The following ARMC9 variants were observed in gnomAD, a reference collection of about 807,000 sequenced individuals.
The protein encoded by ARMC9 is armadillo repeat containing 9.
A neutral mutation model predicts 107.0 loss-of-function variants in ARMC9; 94 were observed. The ratio of observed to expected loss-of-function variants is 0.88; its 90% confidence interval spans 0.74 to 1.04. The LOEUF (loss-of-function observed/expected upper bound fraction) is 1.04, where lower values mean the gene tolerates loss of function less well. ARMC9 is among the 50% of genes least tolerant of loss of function. The pLI is 0.00. For synonymous variants in ARMC9, 380 were observed against 396.9 expected, an observed-to-expected ratio of 0.96 and a Z score of 0.51; for missense variants, 942 against 1,030.1, an observed-to-expected ratio of 0.91 and a Z score of 1.17.
At chr2:231,303,493 T>C (rs919396805) in intron 19 of ARMC9, among the ~76,000 whole-genome samples, 2 of 152,256 alleles carry the variant, frequency 1.3e-5, no homozygotes, top group African/African-American at 4.8e-5. Flanking sequence ...GCTGGGATTT[T>C]TTCATAGATC....
chr2:231,216,336 G>A (rs1321865157), intron 4 of ARMC9, among the ~76,000 whole-genome samples: 1 of 152,170 alleles, frequency 6.6e-6, no homozygotes, highest in Non-Finnish European at 1.5e-5. Context: ...ACAACATGAG[G>A]TTTTGTCCTG....
intron 23 of ARMC9, among the ~76,000 whole-genome samples, chr2:231,368,735 C>T (rs2045907164): frequency 6.6e-6 from 1 of 152,160 alleles, no homozygotes; most frequent in Non-Finnish European, 1.5e-5. Flanking sequence ...AGTGATCTTC[C>T]TGCCTAGCCT....
intron 15 of ARMC9, among the ~76,000 whole-genome samples, chr2:231,277,832 G>A (rs2125445690): frequency 6.6e-6 from 1 of 152,070 alleles, no homozygotes; most frequent in East Asian, 1.9e-4. Context: ...CAAAGTGCTG[G>A]GATTACAGGC....
chr2:231,343,928 A>G (rs2125582137), intron 20 of ARMC9, among the ~76,000 whole-genome samples: 2 of 152,188 alleles, frequency 1.3e-5, no homozygotes, highest in South Asian at 4.1e-4. Flanking sequence ...TTCTTTATGT[A>G]CATTATTATA....
intron 19 of ARMC9, among the ~76,000 whole-genome samples, chr2:231,302,175 A>G (rs551799695): frequency 6.6e-6 from 1 of 152,064 alleles, no homozygotes; most frequent in Non-Finnish European, 1.5e-5. Flanking sequence ...TAAGGTTTGA[A>G]GTAACCATTC....
At chr2:231,293,115 A>G (rs2041133176) in intron 18 of ARMC9, among the ~76,000 whole-genome samples, 1 of 152,148 alleles carries the variant, frequency 6.6e-6, no homozygotes, top group African/African-American at 2.4e-5. Flanking sequence ...CTGGGTGCCC[A>G]TTTGCCTTGA....
intron 7 of ARMC9, among the ~76,000 whole-genome samples, chr2:231,227,789 G>C (rs1300552693): frequency 2.6e-5 from 4 of 152,308 alleles, no homozygotes; most frequent in Admixed American, 2.6e-4. Context: ...AGAAGGCTTC[G>C]GATGCTTGGT....
rs975742482 is a variant in ARMC9 at position 231,275,316 on chromosome 2, C to T, written c.1335-1320C>T. ...GTGGTTTCACCATAACCTGCGCATC[C>T]GGAGATGTGCAGAGCTGGCTTCTCT... On this transcript the variant is annotated intron_variant, in intron 14 of 24. Transcript: ENST00000611582. 2.6e-5 allele frequency among the ~76,000 whole-genome samples: 4 copies of T among 152,054 alleles called. No individual in the cohort carries two copies. The South Asian group carries it at 6.2e-4, about 24-fold the overall frequency.
At chr2:231,269,486 A>G (rs2039129095) in intron 12 of ARMC9, among the ~76,000 whole-genome samples, 1 of 148,024 alleles carries the variant, frequency 6.8e-6, no homozygotes, top group African/African-American at 2.6e-5. Context: ...CCTGGGTTCA[A>G]GCAATCCTCC....
chr2:231,225,159 C>T (rs1418245725), intron 6 of ARMC9, among the ~76,000 whole-genome samples: 1 of 152,148 alleles, frequency 6.6e-6, no homozygotes, highest in African/African-American at 2.4e-5. Flanking sequence ...CAGACATACA[C>T]CCAAATTGTA....
At chr2:231,312,661 G>A (rs2042423537) in intron 19 of ARMC9, among the ~76,000 whole-genome samples, 1 of 147,946 alleles carries the variant, frequency 6.8e-6, no homozygotes, top group African/African-American at 2.5e-5. Flanking sequence ...GAGTTTTGGT[G>A]ATCAAAACTG....
intron 14 of ARMC9, 142 bp downstream of exon 14, chr2:231,273,220 T>G (rs1383943528): frequency 8.6e-7 from 1 of 1,169,558 alleles, no homozygotes; most frequent in Non-Finnish European, 1.2e-6. Flanking sequence ...GCTAGAAAGC[T>G]TATCTGTAAT....
intron 6 of ARMC9, among the ~76,000 whole-genome samples, chr2:231,225,720 G>A (rs1461167453): frequency 6.6e-6 from 1 of 152,232 alleles, no homozygotes; most frequent in Admixed American, 6.5e-5. Flanking sequence ...GCTGGGGAGA[G>A]CAGGGAAAAT....
intron 15 of ARMC9, among the ~76,000 whole-genome samples, chr2:231,277,008 G>A (rs2039819802): frequency 6.6e-6 from 1 of 152,188 alleles, no homozygotes; most frequent in Non-Finnish European, 1.5e-5. Context: ...GCATTAAGAG[G>A]AGACTAAGTT....
At chr2:231,314,002 T>TA (rs2042512205) in intron 19 of ARMC9, among the ~76,000 whole-genome samples, 1 of 151,184 alleles carries the variant, frequency 6.6e-6, no homozygotes, top group Admixed American at 6.6e-5. Context: ...TCAAGTGATC[T>TA]TCCCACCTTG....
intron 19 of ARMC9, among the ~76,000 whole-genome samples, chr2:231,322,274 G>A (rs772394051): frequency 6.6e-6 from 1 of 152,228 alleles, no homozygotes; most frequent in African/African-American, 2.4e-5. Flanking sequence ...GGAAGTCAGC[G>A]CCTCACGCTG....
chr2:231,366,066 G>A (rs936013068), intron 23 of ARMC9, among the ~76,000 whole-genome samples: 17 of 152,214 alleles, frequency 1.1e-4, no homozygotes, highest in Non-Finnish European at 2.4e-4. Flanking sequence ...CAGAGAGGCT[G>A]ATTTTAGGGA....
chr2:231,272,087 A>C (rs1275073894), intron 13 of ARMC9, among the ~76,000 whole-genome samples: 1 of 151,960 alleles, frequency 6.6e-6, no homozygotes, highest in Non-Finnish European at 1.5e-5. Flanking sequence ...TAGTCACCAG[A>C]TATTTCATTG....
rs185585051 is a variant in ARMC9 at position 231,304,957 on chromosome 2, A to C, written c.1773+8704A>C. 3.4e-4 allele frequency among the ~76,000 whole-genome samples: 52 copies of C among 152,332 alleles called. No individual in the cohort carries two copies. In the East Asian group the frequency reaches 7.7e-3, roughly 23 times the overall value. ...TGTATACTTAAGTCTAAATAACCAT[A>C]GTCTGTCAGTTACTCTTTCAAATGA... On this transcript the variant is annotated intron_variant, in intron 19 of 24. Transcript: ENST00000611582.
Sources: gnomAD v4.1 joint callset for allele counts (sites outside exome capture counted in the v4.1 genomes callset) on GRCh38, gnomAD v4.1.1 for gene constraint, MANE v1.5 for transcripts, NCBI Gene and HGNC (gene_info 2026-07-23, HGNC 2026-07-21) for gene names.